CUL2: variants seen among roughly 807,000 people sequenced by gnomAD.
The protein encoded by CUL2 is cullin 2, also known as cullin-2.
CUL2 carries 22 observed loss-of-function variants against 110.2 expected under a neutral mutation model. That is an observed-to-expected ratio of 0.20 (90% CI 0.14 to 0.28). The LOEUF (loss-of-function observed/expected upper bound fraction) is 0.28, where lower values mean the gene tolerates loss of function less well. Among genes scored for constraint, CUL2 ranks in the 10% least tolerant of loss-of-function variants. The pLI is 1.00. For synonymous variants in CUL2, 279 were observed against 293.2 expected, an observed-to-expected ratio of 0.95 and a Z score of 0.49; for missense variants, 631 against 905.5, an observed-to-expected ratio of 0.70 and a Z score of 3.89.
rs565128228 is a variant in CUL2 at position 35,059,576 on chromosome 10, C to G, written c.317+1298G>C. On this transcript the variant is annotated intron_variant, in intron 4 of 20. Coordinates refer to ENST00000374749, the MANE Select transcript of CUL2 (RefSeq NM_003591.4). ...ACATAACTTATATGCACTGGGAAAC[C>G]AAACAACTTGTGTGACTTGTCTTAC... Among the ~76,000 whole-genome samples, 3 of 152,292 alleles carry G rather than the reference C, an allele frequency of 2.0e-5. No individual in the cohort carries two copies. In the East Asian group the frequency reaches 5.8e-4, roughly 29 times the overall value.
chr10:35,029,185 G>T (rs1471290902), intron 15 of CUL2, among the ~76,000 whole-genome samples: 1 of 151,956 alleles, frequency 6.6e-6, no homozygotes, highest in African/African-American at 2.4e-5. Context: ...TGCCTCCCCA[G>T]TAACTGGGAT....
chr10:35,053,308 T>C (rs1411419957), intron 5 of CUL2, among the ~76,000 whole-genome samples: 1 of 152,220 alleles, frequency 6.6e-6, no homozygotes, highest in Non-Finnish European at 1.5e-5. Flanking sequence ...TTTCTCTATA[T>C]CATCTTTTCC....
intron 2 of CUL2, among the ~76,000 whole-genome samples, chr10:35,068,809 G>A (rs1168102523): frequency 6.6e-6 from 1 of 152,004 alleles, no homozygotes; most frequent in Admixed American, 6.6e-5. Context: ...TTATATTCTT[G>A]GGCAAAATAA....
At chr10:35,121,855 A>G (rs1359378150) in intron 1 of CUL2, among the ~76,000 whole-genome samples, 1 of 152,080 alleles carries the variant, frequency 6.6e-6, no homozygotes, top group Non-Finnish European at 1.5e-5. Flanking sequence ...AACGACTGCA[A>G]TCTTATAGTT....
intron 2 of CUL2, chr10:35,063,866 T>C (rs777617885): frequency 1.3e-5 from 2 of 152,014 alleles, no homozygotes; most frequent in Non-Finnish European, 2.9e-5. Flanking sequence ...AAAGCCCATT[T>C]ATAACTTTGG....
At chr10:35,039,643 T>A (rs1161552436) in intron 8 of CUL2, among the ~76,000 whole-genome samples, 1 of 152,168 alleles carries the variant, frequency 6.6e-6, no homozygotes, top group Non-Finnish European at 1.5e-5. Flanking sequence ...GGCAGGTGGA[T>A]CATCTGAGGT....
At chr10:35,032,550 A>G (rs2085504773) in intron 11 of CUL2, 56 bp from the exon 12 acceptor site, 1 of 1,363,356 alleles carries the variant, frequency 7.3e-7, no homozygotes, top group Non-Finnish European at 1.0e-6. Context: ...AAGTACAGCT[A>G]GTTCAATATA....
chr10:35,032,095 A>G (rs2085494181), intron 12 of CUL2, among the ~76,000 whole-genome samples: 1 of 152,212 alleles, frequency 6.6e-6, no homozygotes, highest in Non-Finnish European at 1.5e-5. Context: ...TTTAAAAAAA[A>G]GTTACAAAAA....
intron 2 of CUL2, among the ~76,000 whole-genome samples, chr10:35,100,397 A>T (rs748408138): frequency 6.6e-5 from 10 of 152,140 alleles, no homozygotes; most frequent in Non-Finnish European, 1.5e-4. Flanking sequence ...TTATTAGAAA[A>T]GATTGGAGGC....
At chr10:35,020,655 A>C (rs1228158949) in intron 17 of CUL2, among the ~76,000 whole-genome samples, 5 of 152,186 alleles carry the variant, frequency 3.3e-5, no homozygotes, top group Admixed American at 2.6e-4. Context: ...CTGACCAGCA[A>C]TCTCTACAAC....
intron 1 of CUL2, among the ~76,000 whole-genome samples, chr10:35,114,842 T>C (rs1403167790): frequency 6.6e-6 from 1 of 151,702 alleles, no homozygotes; most frequent in East Asian, 1.9e-4. Flanking sequence ...ATACATTGGA[T>C]GGAATTTAAA....
At chr10:35,019,446 T>C (rs1160621691) in intron 17 of CUL2, among the ~76,000 whole-genome samples, 1 of 152,124 alleles carries the variant, frequency 6.6e-6, no homozygotes, top group Non-Finnish European at 1.5e-5. Flanking sequence ...ACCATACTCT[T>C]ACTGAAAAGA....
chr10:35,029,714 C>T (rs577242615), intron 14 of CUL2, 74 bp from the exon 15 acceptor site: 173 of 1,126,492 alleles, frequency 1.5e-4, no homozygotes, highest in South Asian at 7.4e-4. Context: ...AATAATGTGT[C>T]GGTATTGCTA....
At chr10:35,041,633 G>T (rs1317277959) in intron 8 of CUL2, among the ~76,000 whole-genome samples, 2 of 152,164 alleles carry the variant, frequency 1.3e-5, no homozygotes, top group Admixed American at 1.3e-4. Context: ...CGCCTCTCAG[G>T]CTCAAGTGAT....
At chr10:35,106,902 G>C (rs1403210794) in intron 1 of CUL2, among the ~76,000 whole-genome samples, 12 of 151,050 alleles carry the variant, frequency 7.9e-5, no homozygotes. Flanking sequence ...TATAACTCCT[G>C]TTAGCAATAA....
intron 1 of CUL2, chr10:35,074,178 C>CA (rs1262087371): frequency 1.3e-6 from 2 of 1,535,214 alleles, no homozygotes; most frequent in Admixed American, 3.9e-5. Context: ...ATCAAAGACA[C>CA]AAAAATAACC....
chr10:35,090,884 T>C (rs996354140), upstream of CUL2, among the ~76,000 whole-genome samples: 2 of 152,218 alleles, frequency 1.3e-5, no homozygotes, highest in African/African-American at 4.8e-5. Context: ...CCTATGTGAA[T>C]ATCCTAAGAC....
intron 1 of CUL2, among the ~76,000 whole-genome samples, chr10:35,085,636 C>T (rs1207168315): frequency 7.5e-6 from 1 of 134,224 alleles, no homozygotes; most frequent in Non-Finnish European, 1.6e-5. Context: ...CCCAGCTACT[C>T]GGGAGGCTGA....
chr10:35,051,076 G>A (rs1431605074), intron 5 of CUL2, among the ~76,000 whole-genome samples: 3 of 152,186 alleles, frequency 2.0e-5, no homozygotes, highest in South Asian at 4.1e-4. Flanking sequence ...AGCACTTTGG[G>A]AGGCTGAGAC....
Sources: allele counts gnomAD v4.1 joint callset (sites outside exome capture counted in the v4.1 genomes callset), GRCh38; gene constraint gnomAD v4.1.1; transcripts MANE v1.5; gene names NCBI Gene and HGNC (gene_info 2026-07-23, HGNC 2026-07-21).